SERPINB8: variants seen among roughly 807,000 people sequenced by gnomAD.
SERPINB8 encodes the protein serpin family B member 8.
In SERPINB8, 25 loss-of-function variants were observed where a neutral mutation model predicts 35.3. The observed-to-expected ratio is 0.71, with a 90% CI of 0.52 to 0.99. The LOEUF (loss-of-function observed/expected upper bound fraction) is 0.99, where lower values mean the gene tolerates loss of function less well. Among genes scored for constraint, SERPINB8 ranks in the 50% least tolerant of loss-of-function variants. The pLI, the probability that SERPINB8 is intolerant of heterozygous loss-of-function variation, is 0.00. For missense variants in SERPINB8, 484 were observed against 446.5 expected (o/e 1.08, Z -0.76); for synonymous variants, 186 against 160.8 (o/e 1.16, Z -1.19).
intron 7 of SERPINB8, among the ~76,000 whole-genome samples, chr18:64,014,193 T>G (rs2050939116): frequency 6.6e-6 from 1 of 152,150 alleles, no homozygotes; most frequent in Admixed American, 6.5e-5. Context: ...AAAAGGAAAT[T>G]GTTAGAGACA....
intron 5 of SERPINB8, among the ~76,000 whole-genome samples, chr18:63,984,644 A>C (rs1176464468): frequency 6.6e-6 from 1 of 152,238 alleles, no homozygotes; most frequent in Non-Finnish European, 1.5e-5. Flanking sequence ...CTTCCTAAGA[A>C]AGCCAAGGCC....
At chr18:63,981,631 T>G (rs2144808041) in intron 3 of SERPINB8, 90 bp from the exon 4 acceptor site, 2 of 859,142 alleles carry the variant, frequency 2.3e-6, no homozygotes, top group East Asian at 2.4e-5. Context: ...AAGCACTTAT[T>G]GTAGAAATGC....
chr18:63,998,694 C>T (rs1019651121), intron 1 of SERPINB8, among the ~76,000 whole-genome samples: 6 of 152,148 alleles, frequency 3.9e-5, no homozygotes, highest in Admixed American at 1.3e-4. Flanking sequence ...TCCCTCCATC[C>T]TTTTTGAGCC....
At chr18:63,986,524 C>G (rs2050757389) in intron 6 of SERPINB8, 5 of 1,348,216 alleles carry the variant, frequency 3.7e-6, no homozygotes, top group Non-Finnish European at 4.7e-6. Flanking sequence ...CTCCCACTCA[C>G]AGTAGTATGT....
Position 63,983,607 on chromosome 18 carries a change from G to A in SERPINB8, c.453G>A (p.Gly151=), listed in dbSNP as rs372582790. The A allele has an allele frequency of 4.3e-6, 7 of 1,613,956 alleles. No homozygotes were observed. The highest frequency in any genetic ancestry group is 2.2e-5 in the East Asian group (1 of 44,886). The change falls in exon 5 of 7, where the codon GGG becomes GGA. Residue 151 remains glycine, a synonymous_variant. Coordinates refer to ENST00000397985, the MANE Select transcript of SERPINB8 (RefSeq NM_002640.4). ...AGATTTCAGAGGTACTGGATGCTGG[G>A]ACAGTCGATCCCCTGACAAAGCTGG... ...EGKISEVLDA[G]TVDPLTKLVL...
At chr18:63,983,924 G>A (rs965140000) in intron 5 of SERPINB8, among the ~76,000 whole-genome samples, 23 of 152,112 alleles carry the variant, frequency 1.5e-4, no homozygotes, top group Non-Finnish European at 2.9e-5. Context: ...TCAGCTCACT[G>A]CAGCCTCGAC....
downstream of SERPINB8, among the ~76,000 whole-genome samples, chr18:64,008,803 A>G (rs577705656): frequency 1.9e-4 from 29 of 152,298 alleles, no homozygotes; most frequent in Admixed American, 5.2e-4. Flanking sequence ...GAGCCTAAAC[A>G]CTGGTCAGAT....
At chr18:63,994,278 G>C (rs935073544), downstream of SERPINB8, among the ~76,000 whole-genome samples, 1 of 152,088 alleles carries the variant, frequency 6.6e-6, no homozygotes, top group Admixed American at 6.5e-5. Flanking sequence ...AGTGGGGCTA[G>C]TTGTCCTAAT....
chr18:63,996,009 A>T (rs997583147), intron 1 of SERPINB8, among the ~76,000 whole-genome samples: 2 of 152,166 alleles, frequency 1.3e-5, no homozygotes, highest in African/African-American at 4.8e-5. Flanking sequence ...GGCCATCATG[A>T]TGGGTGAGGG....
At chr18:64,011,747 G>A (rs2050927000) in intron 7 of SERPINB8, among the ~76,000 whole-genome samples, 1 of 152,126 alleles carries the variant, frequency 6.6e-6, no homozygotes, top group Non-Finnish European at 1.5e-5. Context: ...TATTAGGGAA[G>A]CAAATACTTA....
At chr18:63,986,386 T>G in intron 6 of SERPINB8, 7 of 1,555,200 alleles carry the variant, frequency 4.5e-6, no homozygotes, top group Non-Finnish European at 6.1e-6. Context: ...CCTCCCTTCA[T>G]CTTCAGATGA....
intron 5 of SERPINB8, among the ~76,000 whole-genome samples, chr18:63,983,976 A>G (rs1358803850): frequency 1.3e-5 from 2 of 152,152 alleles, no homozygotes; most frequent in Non-Finnish European, 2.9e-5. Context: ...CTTCCCAAGT[A>G]GCTGTGACTA....
intron 7 of SERPINB8, among the ~76,000 whole-genome samples, chr18:64,017,165 C>T (rs989013948): frequency 3.3e-5 from 5 of 152,144 alleles, no homozygotes; most frequent in Non-Finnish European, 5.9e-5. Flanking sequence ...TTATATCACA[C>T]TCCATTTTTC....
intron 1 of SERPINB8, among the ~76,000 whole-genome samples, chr18:63,994,583 C>T (rs923036239): frequency 5.3e-5 from 8 of 152,058 alleles, no homozygotes; most frequent in African/African-American, 1.7e-4. Flanking sequence ...AGAAGCTTTT[C>T]GGTTCCGAGG....
intron 6 of SERPINB8, chr18:63,986,415 T>G: frequency 6.7e-7 from 1 of 1,491,386 alleles, no homozygotes; most frequent in East Asian, 2.4e-5. Context: ...TCCCTCTCTT[T>G]TACTCTGAGT....
chr18:63,979,937 C>A lies in SERPINB8; in HGVS notation c.305C>A (p.Pro102Gln). The A allele has an allele frequency of 6.2e-7, 1 of 1,613,898 alleles. No homozygotes were observed. Among genetic ancestry groups the A allele is most frequent in the South Asian group, 1.1e-5 (1 of 91,070 alleles). The change falls in exon 3 of 7, where the codon CCA becomes CAA. Residue 102 changes from proline to glutamine, a missense_variant and splice_region_variant. Coordinates refer to ENST00000397985, the MANE Select transcript of SERPINB8 (RefSeq NM_002640.4). ...GGAGAAAAGACGTGTGATTTCCTTC[C>A]AGTAAGTAGTATTCACATATTGATG... ...LFGEKTCDFL[P>Q]DFKEYCQKFY...
At chr18:63,972,436 T>C (rs1801426159) in intron 1 of SERPINB8, among the ~76,000 whole-genome samples, 2 of 152,230 alleles carry the variant, frequency 1.3e-5, no homozygotes, top group African/African-American at 4.8e-5. Context: ...TCCATTATAC[T>C]AATATACTAC....
chr18:63,999,169 G>A (rs1158165072), intron 1 of SERPINB8, among the ~76,000 whole-genome samples: 2 of 152,116 alleles, frequency 1.3e-5, no homozygotes, highest in East Asian at 1.9e-4. Flanking sequence ...GTGTGACTCT[G>A]GCCTTACAAA....
intron 2 of SERPINB8, 32 bp from the exon 3 acceptor site, chr18:63,979,769 C>T: frequency 6.2e-7 from 1 of 1,612,746 alleles, no homozygotes; most frequent in Middle Eastern, 1.7e-4. Context: ...ATAATGGCAG[C>T]GTTAAAAGTC....
Sources: allele counts gnomAD v4.1 joint callset (sites outside exome capture counted in the v4.1 genomes callset), GRCh38; gene constraint gnomAD v4.1.1; transcripts MANE v1.5; gene names NCBI Gene and HGNC (gene_info 2026-07-23, HGNC 2026-07-21).